The following PLCL1 variants were observed in gnomAD, a reference collection of about 807,000 sequenced individuals.
PLCL1 encodes inactive phospholipase C-like protein 1.
A neutral mutation model predicts 84.4 loss-of-function variants in PLCL1; 41 were observed. The ratio of observed to expected loss-of-function variants is 0.49; its 90% CI spans 0.38 to 0.63. PLCL1 has a LOEUF of 0.63. Among genes scored for constraint, PLCL1 ranks in the 30% least tolerant of loss-of-function variants. The pLI is 0.00. For synonymous variants in PLCL1, 490 were observed against 488.3 expected (o/e 1.00, Z -0.05); for missense variants, 1,206 against 1,367.8 (o/e 0.88, Z 1.87).
At chr2:198,065,248 C>A (rs971196887) in intron 1 of PLCL1, among the ~76,000 whole-genome samples, 2 of 152,076 alleles carry the variant, frequency 1.3e-5, no homozygotes, top group Admixed American at 1.3e-4. Flanking sequence ...TAGGAAACTT[C>A]TTTAAAAAAA....
Position 198,125,826 on chromosome 2 carries a change from A to G in PLCL1, c.3106-20954A>G, listed in dbSNP as rs1160156334. ...GGCAGGTGTCAGCCTGGGTGTGTGA[A>G]CAAAAAAATATGGAAAATTAAAGAG... is the stretch of plus-strand genomic sequence containing the variant. On this transcript the variant is annotated intron_variant, in intron 5 of 5. Coordinates refer to ENST00000428675, the MANE Select transcript of PLCL1 (RefSeq NM_006226.4). 5.3e-5 allele frequency among the ~76,000 whole-genome samples: 8 copies of G among 152,290 alleles called. No homozygotes were observed. In the East Asian group the frequency reaches 1.4e-3, roughly 26 times the overall value.
chr2:197,911,894 A>G (rs569044090), intron 1 of PLCL1, among the ~76,000 whole-genome samples: 1 of 152,324 alleles, frequency 6.6e-6, no homozygotes, highest in East Asian at 1.9e-4. Context: ...CCTGGAAAGC[A>G]TTCCTTGCAT....
intron 1 of PLCL1, among the ~76,000 whole-genome samples, chr2:197,884,184 G>A (rs899825580): frequency 1.3e-5 from 2 of 152,130 alleles, no homozygotes; most frequent in African/African-American, 4.8e-5. Flanking sequence ...GTCTAGCACC[G>A]GTACATCTGC....
chr2:198,146,911 C>A lies in PLCL1; in HGVS notation c.3237C>A (p.Ser1079Arg). 1 of 1,612,958 alleles carries A rather than the reference C, an allele frequency of 6.2e-7. No homozygotes were observed. The highest frequency in any genetic ancestry group is 8.5e-7 in the Non-Finnish European group (1 of 1,179,376). The change falls in exon 6 of 6, where the codon AGC becomes AGA. Residue 1079 changes from serine (S) to arginine (R), a missense_variant. Physicochemically the swap from Ser to Arg is moderately radical, Grantham distance 110 (BLOSUM62 -1). Coordinates refer to ENST00000428675, the MANE Select transcript of PLCL1 (RefSeq NM_006226.4). ...GTGCTGAGGCCAAGAGCAAGCGCAG[C>A]CTGGAAGCCATAGAGGAGAAGGAAA... ...SSSAEAKSKR[S>R]LEAIEEKESS...
At chr2:197,887,941 C>T (rs141646732) in intron 1 of PLCL1, among the ~76,000 whole-genome samples, 27 of 151,926 alleles carry the variant, frequency 1.8e-4, no homozygotes, top group South Asian at 1.5e-3. Flanking sequence ...CTGTCTCTAC[C>T]AAAAATTAAG....
At chr2:197,942,222 C>T (rs1434762175) in intron 1 of PLCL1, among the ~76,000 whole-genome samples, 1 of 152,198 alleles carries the variant, frequency 6.6e-6, no homozygotes, top group East Asian at 1.9e-4. Flanking sequence ...AAGCAAACCC[C>T]TCCACTTTTG....
intron 1 of PLCL1, among the ~76,000 whole-genome samples, chr2:197,826,199 A>C (rs1237709948): frequency 6.6e-6 from 1 of 152,198 alleles, no homozygotes; most frequent in African/African-American, 2.4e-5. Context: ...CCCATCTGCT[A>C]TCTTGAGATA....
chr2:197,809,597 CA>C (rs1195971569), intron 1 of PLCL1, among the ~76,000 whole-genome samples: 1 of 152,164 alleles, frequency 6.6e-6, no homozygotes, highest in Non-Finnish European at 1.5e-5. Context: ...AGCAATCTGG[CA>C]GGTGTTCTGC....
intron 1 of PLCL1, among the ~76,000 whole-genome samples, chr2:197,988,681 C>T (rs1188997562): frequency 6.6e-6 from 1 of 152,154 alleles, no homozygotes; most frequent in African/African-American, 2.4e-5. Flanking sequence ...CTGCAATAAA[C>T]ATTTGTGTGC....
chr2:198,147,707 A>G lies in PLCL1; in HGVS notation c.*745A>G, dbSNP rs1694559569. 1 of 152,318 alleles carries G rather than the reference A, an allele frequency of 6.6e-6. No individual in the cohort carries two copies. The highest frequency in any genetic ancestry group is 6.5e-5 in the Admixed American group (1 of 15,280). 9.4% of individuals were successfully genotyped at this position (152,318 alleles called of 1,614,324 possible). On this transcript the variant is annotated 3_prime_UTR_variant, in exon 6 of 6. Coordinates refer to ENST00000428675, the MANE Select transcript of PLCL1 (RefSeq NM_006226.4). ...AGAAAAGCTGATCATAAGTGAATTT[A>G]TACCTACCTGTGTGGTACTCTGAAA...
At chr2:197,997,111 T>C (rs900281653) in intron 1 of PLCL1, among the ~76,000 whole-genome samples, 7 of 152,178 alleles carry the variant, frequency 4.6e-5, no homozygotes, top group African/African-American at 1.7e-4. Flanking sequence ...AGCACTACTG[T>C]GGGGAGGGCA....
intron 1 of PLCL1, among the ~76,000 whole-genome samples, chr2:197,898,240 G>A (rs1390757606): frequency 6.6e-6 from 1 of 152,166 alleles, no homozygotes; most frequent in Non-Finnish European, 1.5e-5. Flanking sequence ...GTTCTTGGGG[G>A]CCTTCTTGCC....
intron 1 of PLCL1, among the ~76,000 whole-genome samples, chr2:197,946,360 G>A (rs534540522): frequency 2.6e-4 from 40 of 152,196 alleles, no homozygotes; most frequent in African/African-American, 8.7e-4. Flanking sequence ...CAGTACATAC[G>A]ATAGACAAGA....
At chr2:198,062,542 A>G (rs1447062524) in intron 1 of PLCL1, among the ~76,000 whole-genome samples, 1 of 152,192 alleles carries the variant, frequency 6.6e-6, no homozygotes, top group Admixed American at 6.5e-5. Flanking sequence ...TGAACTAACA[A>G]TGGAATTAAA....
chr2:197,844,336 C>G (rs758039719), intron 1 of PLCL1, among the ~76,000 whole-genome samples: 3 of 152,042 alleles, frequency 2.0e-5, no homozygotes, highest in Non-Finnish European at 4.4e-5. Context: ...TTAGTTTGAC[C>G]CATTTTTGAG....
At chr2:197,899,468 T>C (rs1688219497) in intron 1 of PLCL1, among the ~76,000 whole-genome samples, 1 of 152,112 alleles carries the variant, frequency 6.6e-6, no homozygotes, top group South Asian at 2.1e-4. Context: ...TGACAATTTC[T>C]ATTTGGAAAG....
intron 1 of PLCL1, among the ~76,000 whole-genome samples, chr2:197,923,925 G>A (rs998006052): frequency 2.0e-5 from 3 of 151,724 alleles, no homozygotes; most frequent in African/African-American, 7.2e-5. Context: ...GGAGGCCAAG[G>A]CTGGCGGATC....
rs182790670 is a variant in PLCL1 at position 198,006,109 on chromosome 2, C to T, written c.241-77649C>T. On this transcript the variant is annotated intron_variant, in intron 1 of 5. Transcript: ENST00000428675. ...AAGAGGGACAGTTCACCAGTTTCTTCCCTTCTAGGGAAACAACATAAAAGG... is the reference window on the plus strand; with the variant it reads ...AAGAGGGACAGTTCACCAGTTTCTTTCCTTCTAGGGAAACAACATAAAAGG... 2.1e-4 allele frequency among the ~76,000 whole-genome samples: 32 copies of T among 152,242 alleles called. 1 individual carries two copies. Among genetic ancestry groups the T allele is most frequent in the African/African-American group, 7.7e-4 (32 of 41,556 alleles).
At chr2:198,132,316 G>A (rs1428501730) in intron 5 of PLCL1, among the ~76,000 whole-genome samples, 1 of 152,124 alleles carries the variant, frequency 6.6e-6, no homozygotes, top group Non-Finnish European at 1.5e-5. Flanking sequence ...TTAGAGCAGG[G>A]CCATTCCAAC....
Sources: gnomAD v4.1 joint callset for allele counts (sites outside exome capture counted in the v4.1 genomes callset) on GRCh38, gnomAD v4.1.1 for gene constraint, MANE v1.5 for transcripts, NCBI Gene and HGNC (gene_info 2026-07-23, HGNC 2026-07-21) for gene names.